The following STRBP variants were observed in gnomAD, a reference collection of about 807,000 sequenced individuals.
STRBP encodes the protein spermatid perinuclear RNA binding protein.
In STRBP, 13 loss-of-function variants were observed where a neutral mutation model predicts 80.1. The observed-to-expected ratio is 0.16, with a 90% confidence interval of 0.11 to 0.26. The LOEUF (loss-of-function observed/expected upper bound fraction) is 0.26, where lower values mean the gene tolerates loss of function less well. Ranked by LOEUF, STRBP falls within the 10% of genes least tolerant of loss-of-function variation. The pLI, the probability that STRBP is intolerant of heterozygous loss-of-function variation, is 1.00. For missense variants in STRBP, 485 were observed against 815.2 expected, an observed-to-expected ratio of 0.59 and a Z score of 4.93; for synonymous variants, 284 against 291.2, an observed-to-expected ratio of 0.98 and a Z score of 0.25.
intron 2 of STRBP, among the ~76,000 whole-genome samples, chr9:123,195,275 C>A (rs573063735): frequency 5.9e-5 from 9 of 152,258 alleles, no homozygotes; most frequent in African/African-American, 1.9e-4. Context: ...CATCTCACAT[C>A]TGATCCATCA....
chr9:123,152,763 A>G (rs113975113), intron 11 of STRBP, among the ~76,000 whole-genome samples: 5 of 152,086 alleles, frequency 3.3e-5, no homozygotes, highest in Admixed American at 1.3e-4. Context: ...ATAAAGGGGC[A>G]GCATGAAGCA....
At chr9:123,166,928 C>T (rs757706234) in intron 6 of STRBP, among the ~76,000 whole-genome samples, 9 of 152,040 alleles carry the variant, frequency 5.9e-5, no homozygotes, top group African/African-American at 1.2e-4. Context: ...AGAAAGACAA[C>T]GGAAAACATA....
intron 2 of STRBP, among the ~76,000 whole-genome samples, chr9:123,221,859 T>C (rs2040079291): frequency 6.6e-6 from 1 of 152,326 alleles, no homozygotes; most frequent in Non-Finnish European, 1.5e-5. Flanking sequence ...CAGATCTCTA[T>C]ATTGTAAAAT....
In STRBP at chr9:123,173,533, G is replaced by T. The variant is rs565562245; in HGVS notation, c.390+144C>A. ...AGTTTGCTTTAACTGTGATGAATTA[G>T]TCATTGACCCAGAGTAGCAGTACTC... On this transcript the variant is annotated intron_variant, in intron 5 of 18. Transcript: ENST00000348403. 28 of 771,170 alleles carry T rather than the reference G, an allele frequency of 3.6e-5. No homozygotes were observed. In the South Asian group the frequency reaches 5.8e-4, roughly 16 times the overall value. 47.8% of individuals were successfully genotyped at this position (771,170 alleles called of 1,614,324 possible).
chr9:123,128,743 G>A (rs1469307097), intron 17 of STRBP, among the ~76,000 whole-genome samples: 2 of 152,224 alleles, frequency 1.3e-5, no homozygotes, highest in Non-Finnish European at 2.9e-5. Context: ...AGTATCTTCA[G>A]AAAGTAGTGA....
chr9:123,210,695 G>A (rs576673639), intron 2 of STRBP, among the ~76,000 whole-genome samples: 1 of 152,210 alleles, frequency 6.6e-6, no homozygotes, highest in South Asian at 2.1e-4. Context: ...TGGGTGCGGT[G>A]GCAGTCGCCT....
intron 1 of STRBP, among the ~76,000 whole-genome samples, chr9:123,264,515 A>C (rs1208113864): frequency 6.6e-6 from 1 of 152,250 alleles, no homozygotes. Flanking sequence ...AAAGAAACTA[A>C]GTAACATCTA....
At chr9:123,141,247 C>G (rs1385343590) in intron 13 of STRBP, among the ~76,000 whole-genome samples, 1 of 152,142 alleles carries the variant, frequency 6.6e-6, no homozygotes, top group East Asian at 1.9e-4. Flanking sequence ...ACATAGAAGT[C>G]TGTACCAAGA....
At chr9:123,157,587 T>C (rs2037343220) in intron 11 of STRBP, among the ~76,000 whole-genome samples, 1 of 152,172 alleles carries the variant, frequency 6.6e-6, no homozygotes, top group African/African-American at 2.4e-5. Context: ...AGAGGTTTAA[T>C]GGACTCACAG....
chr9:123,263,387 T>C (rs531645469), intron 1 of STRBP, among the ~76,000 whole-genome samples: 6 of 152,004 alleles, frequency 3.9e-5, no homozygotes, highest in African/African-American at 1.4e-4. Flanking sequence ...TAGCCAGATG[T>C]GGTGGCACAT....
chr9:123,228,267 C>G (rs947356242), intron 2 of STRBP, among the ~76,000 whole-genome samples: 1 of 152,142 alleles, frequency 6.6e-6, no homozygotes, highest in Non-Finnish European at 1.5e-5. Context: ...GGCAGCTGGA[C>G]ACATGGCTCG....
intron 3 of STRBP, among the ~76,000 whole-genome samples, chr9:123,183,457 T>C (rs1477844420): frequency 6.6e-6 from 1 of 151,856 alleles, no homozygotes; most frequent in African/African-American, 2.4e-5. Flanking sequence ...AAAGAAACCT[T>C]TTCTCGCTTA....
chr9:123,216,774 C>A (rs772110693), intron 2 of STRBP, among the ~76,000 whole-genome samples: 2 of 152,190 alleles, frequency 1.3e-5, no homozygotes, highest in African/African-American at 4.8e-5. Context: ...TTTTTATCTC[C>A]CATGTTCCAT....
At chr9:123,191,760 G>A (rs1457491421) in intron 2 of STRBP, among the ~76,000 whole-genome samples, 1 of 152,148 alleles carries the variant, frequency 6.6e-6, no homozygotes, top group African/African-American at 2.4e-5. Flanking sequence ...GCCAAATTTG[G>A]TCATGGGTCA....
chr9:123,146,617 T>A (rs1313268465), intron 13 of STRBP, among the ~76,000 whole-genome samples: 2 of 149,844 alleles, frequency 1.3e-5, no homozygotes, highest in African/African-American at 4.9e-5. Flanking sequence ...GCTTCAAAAA[T>A]GTTCAATTGA....
intron 11 of STRBP, among the ~76,000 whole-genome samples, chr9:123,153,621 ACT>A (rs2132374523): frequency 6.6e-6 from 1 of 152,338 alleles, no homozygotes; most frequent in East Asian, 1.9e-4. Context: ...GACAGGGATA[ACT>A]ATAGAAAGAG....
At position 123,115,147 on chromosome 9, in the gene STRBP, C is replaced by T. The variant is rs1162841033; in HGVS notation, c.*84+782G>A. 3 of 460,476 alleles carry T rather than the reference C, an allele frequency of 6.5e-6. No homozygotes were observed. The highest frequency in any genetic ancestry group is 2.0e-5 in the African/African-American group (1 of 49,948). 28.5% of individuals were successfully genotyped at this position (460,476 alleles called of 1,614,324 possible). On this transcript the variant is annotated intron_variant and NMD_transcript_variant, in intron 3 of 3. Coordinates refer to the STRBP transcript ENST00000471564. This position sits in a 1 kb window ranked among gnomAD's most constrained non-coding sequence, Gnocchi z 5.0. Reference sequence around the variant, plus strand: ...GTGTCCCACCTGCCACTTGACTCTGCTCATCCTCTCGGGTCCCACAGCAAG... The same window carrying T: ...GTGTCCCACCTGCCACTTGACTCTGTTCATCCTCTCGGGTCCCACAGCAAG...
chr9:123,245,603 G>A (rs527787901), intron 1 of STRBP, among the ~76,000 whole-genome samples: 4 of 152,156 alleles, frequency 2.6e-5, no homozygotes, highest in Admixed American at 2.0e-4. Flanking sequence ...GGATGGTCTC[G>A]ATCTCCTGAA....
At chr9:123,209,278 T>G (rs559679535) in intron 2 of STRBP, among the ~76,000 whole-genome samples, 1 of 152,242 alleles carries the variant, frequency 6.6e-6, no homozygotes, top group Admixed American at 6.5e-5. Flanking sequence ...CGAAAGAACA[T>G]CAGGGTGAGC....
Sources: gnomAD v4.1 joint callset for allele counts (sites outside exome capture counted in the v4.1 genomes callset) on GRCh38, gnomAD v4.1.1 for gene constraint, Gnocchi (gnomAD v3.1) non-coding constraint, MANE v1.5 for transcripts, NCBI Gene and HGNC (gene_info 2026-07-23, HGNC 2026-07-21) for gene names.